Variants in SOCS6 observed in about 807,000 individuals in gnomAD.
The protein encoded by SOCS6 is suppressor of cytokine signaling 6.
In SOCS6, 5 loss-of-function variants were observed where a neutral mutation model predicts 27.7. The ratio of observed to expected loss-of-function variants is 0.18; its 90% CI spans 0.09 to 0.38. SOCS6 has a LOEUF of 0.38. Among genes scored for constraint, SOCS6 ranks in the 10% least tolerant of loss-of-function variants. The probability of loss-of-function intolerance (pLI) is 1.00; values close to 1 mark genes in which losing one functional copy is unlikely to be tolerated. For synonymous variants in SOCS6, 271 were observed against 260.0 expected (o/e 1.04, Z -0.41); for missense variants, 595 against 688.1 (o/e 0.86, Z 1.51).
At chr18:70,289,658 G>A (rs951081714) in intron 1 of SOCS6, among the ~76,000 whole-genome samples, 3 of 150,076 alleles carry the variant, frequency 2.0e-5, no homozygotes, top group African/African-American at 7.3e-5. Context: ...CTGGGGCGCG[G>A]CGCTGGGACT....
At position 70,325,977 on chromosome 18, in the gene SOCS6, A is replaced by G. The variant is rs773846968; in HGVS notation, c.1309A>G (p.Asn437Asp). The G allele has an allele frequency of 1.9e-5, 30 of 1,614,106 alleles. No individual in the cohort carries two copies. ...KTLHTRIEHS[N>D]GRFSFYEQPD... ...ACTTCACACTAGAATTGAGCACTCA[A>G]ATGGTAGGTTTAGCTTTTATGAACA... Residue 437 changes from asparagine (N) to aspartate (D), a missense_variant, in exon 2 of 2, where the codon AAT (asparagine) becomes GAT (aspartate). Coordinates refer to ENST00000397942, the MANE Select transcript of SOCS6 (RefSeq NM_004232.4). This position sits in a 1 kb window ranked among gnomAD's most constrained non-coding sequence, Gnocchi z 6.3.
At chr18:70,315,974 G>A (rs2062409753) in intron 1 of SOCS6, among the ~76,000 whole-genome samples, 1 of 151,934 alleles carries the variant, frequency 6.6e-6, no homozygotes, top group South Asian at 2.1e-4. Context: ...GGGTTTAAGC[G>A]ATTCTCTTGC....
rs1453646438 is a variant in SOCS6 at position 70,306,699 on chromosome 18, A to G, written c.-127+17609A>G. Among the ~76,000 whole-genome samples, 3 of 152,052 alleles carry G rather than the reference A, an allele frequency of 2.0e-5. No individual in the cohort carries two copies. In the East Asian group the frequency reaches 5.8e-4, roughly 29 times the overall value. On this transcript the variant is annotated intron_variant, in intron 1 of 1. Transcript: ENST00000397942. ...AGCATTCAGCCCTTCAGCATTAAGT[A>G]TGATGTTAGCTGTAGGTTTTTCATA... is the stretch of plus-strand genomic sequence containing the variant.
At position 70,329,930 on chromosome 18, in the gene SOCS6, AT is replaced by A. The variant is rs1911354148; in HGVS notation, c.*3657del. 1 of 167,060 alleles carries A rather than the reference AT, an allele frequency of 6.0e-6. No homozygotes were observed. The highest frequency in any genetic ancestry group is 1.5e-5 in the Non-Finnish European group (1 of 68,100). The allele number at this position is 167,060 out of a possible 1,614,324, so 10.3% of individuals were successfully genotyped here. A position where few individuals can be genotyped will look rare whatever the true frequency, so the allele number is the denominator to read the frequency against. Reference sequence around the variant, plus strand: ...AGTATTTACATGTTGGGTGAAAGAAATTTCATAGTCGTTGGAGTGCCATGAA... The same window carrying A: ...AGTATTTACATGTTGGGTGAAAGAAATTCATAGTCGTTGGAGTGCCATGAA... On this transcript the variant is annotated 3_prime_UTR_variant, in exon 2 of 2. Coordinates refer to ENST00000397942, the MANE Select transcript of SOCS6 (RefSeq NM_004232.4).
chr18:70,290,844 T>C (rs908470355), intron 1 of SOCS6, among the ~76,000 whole-genome samples: 1 of 152,174 alleles, frequency 6.6e-6, no homozygotes, highest in African/African-American at 2.4e-5. Flanking sequence ...CCCTCTAAAT[T>C]GGTAGTCTTG....
rs1422497701 is a variant in SOCS6, at chr18:70,327,877, C to T, written c.*1601C>T. 2 of 166,846 alleles carry T rather than the reference C, an allele frequency of 1.2e-5. No individual in the cohort carries two copies. Among genetic ancestry groups the T allele is most frequent in the Non-Finnish European group, 2.9e-5 (2 of 68,102 alleles). 10.3% of individuals were successfully genotyped at this position (166,846 alleles called of 1,614,324 possible). A position where few individuals can be genotyped will look rare whatever the true frequency, so the allele number is the denominator to read the frequency against. On this transcript the variant is annotated 3_prime_UTR_variant, in exon 2 of 2. Coordinates refer to ENST00000397942, the MANE Select transcript of SOCS6 (RefSeq NM_004232.4). ...TTTAGGTCAAACTTACTGGCTTTGT[C>T]ATTCAAGCATATCTGAATCCTCACT...
intron 1 of SOCS6, among the ~76,000 whole-genome samples, chr18:70,314,521 T>C (rs989643714): frequency 9.9e-5 from 15 of 152,166 alleles, no homozygotes; most frequent in Non-Finnish European, 2.1e-4. Flanking sequence ...TTTAGAACAG[T>C]AACATGCTTT....
At chr18:70,320,549 A>G (rs1434607400) in intron 1 of SOCS6, among the ~76,000 whole-genome samples, 2 of 152,234 alleles carry the variant, frequency 1.3e-5, no homozygotes, top group Admixed American at 6.5e-5. Flanking sequence ...TAAGTGCAGT[A>G]CAGTAAGATA....
At chr18:70,322,766 C>A (rs974561698) in intron 1 of SOCS6, among the ~76,000 whole-genome samples, 1 of 152,134 alleles carries the variant, frequency 6.6e-6, no homozygotes, top group African/African-American at 2.4e-5. Flanking sequence ...ATTGCTTCTT[C>A]CTTTTGGGGA....
At chr18:70,294,164 T>G (rs567283166) in intron 1 of SOCS6, among the ~76,000 whole-genome samples, 9 of 151,990 alleles carry the variant, frequency 5.9e-5, no homozygotes, top group Non-Finnish European at 1.0e-4. Context: ...ATATAACAAG[T>G]GCTAATACTT....
In SOCS6 at chr18:70,324,943, G is replaced by T; in HGVS notation, c.275G>T (p.Gly92Val). Reference sequence around the variant, plus strand: ...AAACAGAAGTCAAAAGGCAAGGCGGGCACACCCTCTGGGAGCTCTGCCGAC... The same window carrying T: ...AAACAGAAGTCAAAAGGCAAGGCGGTCACACCCTCTGGGAGCTCTGCCGAC... ...SAKQKSKGKA[G>V]TPSGSSADED... The change falls in exon 2 of 2, where the codon GGC becomes GTC. Residue 92 changes from glycine (G) to valine (V), a missense_variant. Coordinates refer to ENST00000397942, the MANE Select transcript of SOCS6 (RefSeq NM_004232.4). The T allele has an allele frequency of 6.2e-7, 1 of 1,614,190 alleles. No homozygotes were observed.
chr18:70,300,850 C>T (rs2062345337), intron 1 of SOCS6, among the ~76,000 whole-genome samples: 1 of 152,164 alleles, frequency 6.6e-6, no homozygotes, highest in Non-Finnish European at 1.5e-5. Context: ...ACTTTAAGTT[C>T]ATTTTTCTCA....
At chr18:70,319,630 A>G (rs1910901767) in intron 1 of SOCS6, among the ~76,000 whole-genome samples, 1 of 136,682 alleles carries the variant, frequency 7.3e-6, no homozygotes, top group South Asian at 2.4e-4. Flanking sequence ...AAAAAAAAAA[A>G]AATTGGTTAT....
Position 70,320,820 on chromosome 18 carries a change from G to C in SOCS6, c.-126-3723G>C, listed in dbSNP as rs554247031. 8.5e-5 allele frequency among the ~76,000 whole-genome samples: 13 copies of C among 152,306 alleles called. No homozygotes were observed. In the East Asian group the frequency reaches 1.7e-3, roughly 20 times the overall value. ...AAGAGAGGGCTACTGTACTGTAACA[G>C]ATTCAGTGCAGAAGTAGATATGAGA... On this transcript the variant is annotated intron_variant, in intron 1 of 1. Coordinates refer to ENST00000397942, the MANE Select transcript of SOCS6 (RefSeq NM_004232.4).
chr18:70,302,835 T>C (rs913590877), intron 1 of SOCS6, among the ~76,000 whole-genome samples: 4 of 152,182 alleles, frequency 2.6e-5, no homozygotes, highest in Non-Finnish European at 5.9e-5. Flanking sequence ...GAGGAGGCTG[T>C]CTAGGTTCTA....
intron 1 of SOCS6, among the ~76,000 whole-genome samples, chr18:70,290,858 C>A (rs2062296056): frequency 1.3e-5 from 2 of 152,174 alleles, no homozygotes; most frequent in East Asian, 3.9e-4. Context: ...AGTCTTGCCC[C>A]TTTCTCTTCA....
At position 70,327,987 on chromosome 18, in the gene SOCS6, T is replaced by A. The variant is rs1911275290; in HGVS notation, c.*1711T>A. The A allele has an allele frequency of 6.0e-6, 1 of 167,066 alleles. No individual in the cohort carries two copies. Among genetic ancestry groups the A allele is most frequent in the Non-Finnish European group, 1.5e-5 (1 of 68,108 alleles). 10.3% of individuals were successfully genotyped at this position (167,066 alleles called of 1,614,324 possible). Reference sequence around the variant, plus strand: ...ATAATATTATGGTGTTATGGTATTTTGACTTAAAGGGGAAAAGGTACTTAA... The same window carrying A: ...ATAATATTATGGTGTTATGGTATTTAGACTTAAAGGGGAAAAGGTACTTAA... On this transcript the variant is annotated 3_prime_UTR_variant, in exon 2 of 2. Transcript: ENST00000397942.
rs1207496838 is a variant in SOCS6, at chr18:70,329,726, C to T, written c.*3450C>T. Reference sequence around the variant, plus strand: ...TTAAAATTCTAAAAGTGTTGGTACACTAGCAATCACAAATATGGTTTCTTT... The same window carrying T: ...TTAAAATTCTAAAAGTGTTGGTACATTAGCAATCACAAATATGGTTTCTTT... On this transcript the variant is annotated 3_prime_UTR_variant, in exon 2 of 2. Coordinates refer to ENST00000397942, the MANE Select transcript of SOCS6 (RefSeq NM_004232.4). 6.0e-6 allele frequency: 1 copy of T among 167,086 alleles called. No individual in the cohort carries two copies. The highest frequency in any genetic ancestry group is 1.5e-5 in the Non-Finnish European group (1 of 68,108). The allele number at this position is 167,086 out of a possible 1,614,324, so 10.4% of individuals were successfully genotyped here. A position where few individuals can be genotyped will look rare whatever the true frequency, so the allele number is the denominator to read the frequency against.
At chr18:70,310,052 ATTAAC>A (rs1295278942) in intron 1 of SOCS6, among the ~76,000 whole-genome samples, 1 of 152,240 alleles carries the variant, frequency 6.6e-6, no homozygotes, top group East Asian at 1.9e-4. Context: ...GTTAACAGTT[ATTAAC>A]TTAAACAGTC....
Sources: gnomAD v4.1 joint callset for allele counts (sites outside exome capture counted in the v4.1 genomes callset) on GRCh38, gnomAD v4.1.1 for gene constraint, Gnocchi (gnomAD v3.1) non-coding constraint, MANE v1.5 for transcripts, NCBI Gene and HGNC (gene_info 2026-07-23, HGNC 2026-07-21) for gene names.